Variants in SYNPO2 observed in about 807,000 individuals in gnomAD.
SYNPO2 encodes synaptopodin-2.
A neutral mutation model predicts 85.0 loss-of-function variants in SYNPO2; 56 were observed. The observed-to-expected ratio is 0.66, with a 90% CI of 0.53 to 0.82. SYNPO2 has a LOEUF of 0.82. Ranked by LOEUF, SYNPO2 falls within the 40% of genes least tolerant of loss-of-function variation. The pLI, the probability that SYNPO2 is intolerant of heterozygous loss-of-function variation, is 0.00. For missense variants in SYNPO2, 1,575 were observed against 1,534.2 expected, an observed-to-expected ratio of 1.03 and a Z score of -0.44; for synonymous variants, 602 against 591.1, an observed-to-expected ratio of 1.02 and a Z score of -0.27.
At chr4:118,850,752 GATCTGA>G (rs1297509542) in exon 1 of SYNPO2, 7 of 398,538 alleles carry the variant, frequency 1.8e-5, no homozygotes, top group African/African-American at 1.4e-4. Context: ...GTGAAGTAAA[GATCTGA>G]ATTCGGCAAC....
At position 119,031,743 on chromosome 4, in the gene SYNPO2, C is replaced by G. The variant is rs139801110; in HGVS notation, c.2968C>G (p.Gln990Glu). The change falls in exon 4 of 5, where the codon CAG becomes GAG. Residue 990 changes from glutamine to glutamate, a missense_variant. By Grantham distance (29) the Gln-to-Glu change is conservative. Coordinates refer to ENST00000307142, the MANE Select transcript of SYNPO2 (RefSeq NM_133477.3). ...TCCAGATGCAAAGGATGGCCTCCCC[C>G]AGAAGTCATCAGTCAAGGTCAATTC... ...QPPDAKDGLP[Q>E]KSSVKVNSAL... 1.2e-6 allele frequency: 2 copies of G among 1,614,228 alleles called. No individual in the cohort carries two copies. The highest frequency in any genetic ancestry group is 2.2e-5 in the East Asian group (1 of 44,882).
chr4:119,057,789 G>A lies in SYNPO2; in HGVS notation c.3641G>A (p.Gly1214Asp). ...NNNMSTTSQYGSQLPYAYYRQ... is the reference protein window; with the variant it reads ...NNNMSTTSQYDSQLPYAYYRQ... ...AATATGTCCACCACCTCCCAATATG[G>A]TTCACAGTTGCCATATGCATATTAT... The change falls in exon 5 of 5, where the codon GGT becomes GAT. Residue 1214 changes from glycine to aspartate, a missense_variant. By Grantham distance (94) the Gly-to-Asp change is moderately conservative. Transcript: ENST00000307142. 1 of 1,614,042 alleles carries A rather than the reference G, an allele frequency of 6.2e-7. No homozygotes were observed. Among genetic ancestry groups the A allele is most frequent in the Non-Finnish European group, 8.5e-7 (1 of 1,180,008 alleles).
chr4:118,985,780 G>C (rs968776812), intron 1 of SYNPO2, among the ~76,000 whole-genome samples: 3 of 152,174 alleles, frequency 2.0e-5, no homozygotes, highest in African/African-American at 7.2e-5. Context: ...CCTGATCGAG[G>C]ATCTAATTCT....
At chr4:118,954,555 C>T (rs751961921) in intron 1 of SYNPO2, among the ~76,000 whole-genome samples, 2 of 152,130 alleles carry the variant, frequency 1.3e-5, no homozygotes, top group Non-Finnish European at 2.9e-5. Context: ...TGAAGCCACA[C>T]TAGGCATAAT....
intron 1 of SYNPO2, among the ~76,000 whole-genome samples, chr4:118,974,265 C>G (rs2149158215): frequency 6.6e-6 from 1 of 152,340 alleles, no homozygotes; most frequent in Non-Finnish European, 1.5e-5. Flanking sequence ...TATTGTATCT[C>G]AGGCCTTAGA....
intron 1 of SYNPO2, among the ~76,000 whole-genome samples, chr4:118,922,013 C>T (rs1284297101): frequency 1.3e-5 from 2 of 152,098 alleles, no homozygotes; most frequent in Non-Finnish European, 2.9e-5. Flanking sequence ...GGACTGTTTT[C>T]CTCATTACTG....
At chr4:119,005,132 T>C (rs530015804) in intron 1 of SYNPO2, among the ~76,000 whole-genome samples, 229 of 152,326 alleles carry the variant, frequency 1.5e-3, no homozygotes, top group African/African-American at 5.4e-3. Context: ...TATTAGCCCT[T>C]TGTCAGATGA....
chr4:118,947,082 G>A (rs538412744), intron 1 of SYNPO2, among the ~76,000 whole-genome samples: 1 of 152,270 alleles, frequency 6.6e-6, no homozygotes, highest in South Asian at 2.1e-4. Flanking sequence ...TTTCATTGGT[G>A]TTTTATGTTT....
At chr4:118,999,639 G>A (rs1383273401) in intron 1 of SYNPO2, among the ~76,000 whole-genome samples, 2 of 152,074 alleles carry the variant, frequency 1.3e-5, no homozygotes, top group Non-Finnish European at 2.9e-5. Flanking sequence ...TTGCTATGTT[G>A]CCAAGGCTGC....
upstream of SYNPO2, among the ~76,000 whole-genome samples, chr4:118,886,975 T>G (rs1245140442): frequency 6.6e-6 from 1 of 152,228 alleles, no homozygotes; most frequent in Non-Finnish European, 1.5e-5. Flanking sequence ...TGCCATTTTA[T>G]TCAACATTGT....
At chr4:118,992,843 G>A (rs17262785) in intron 1 of SYNPO2, among the ~76,000 whole-genome samples, 36,344 of 151,996 alleles carry the variant, frequency 0.24, 4,464 homozygotes, top group South Asian at 0.33. Flanking sequence ...TTTCATAAGC[G>A]CCCACCAATT....
intron 1 of SYNPO2, among the ~76,000 whole-genome samples, chr4:118,880,018 C>T (rs898147200): frequency 3.3e-5 from 5 of 152,276 alleles, no homozygotes; most frequent in East Asian, 1.9e-4. Context: ...CCCTTTCTTT[C>T]CTCTCCCTCT....
chr4:118,940,216 C>T (rs1560889288), intron 1 of SYNPO2, among the ~76,000 whole-genome samples: 1 of 151,870 alleles, frequency 6.6e-6, no homozygotes, highest in Non-Finnish European at 1.5e-5. Flanking sequence ...GATCTCTCGA[C>T]CTCATGATCC....
chr4:119,020,736 AT>A (rs967235547), intron 1 of SYNPO2, among the ~76,000 whole-genome samples: 1 of 152,052 alleles, frequency 6.6e-6, no homozygotes, highest in South Asian at 2.1e-4. Context: ...TACCTACCTA[AT>A]TTTTTTTATA....
intron 1 of SYNPO2, among the ~76,000 whole-genome samples, chr4:118,900,663 TTCTC>T (rs376467151): frequency 1.4e-3 from 108 of 77,528 alleles, no homozygotes; most frequent in African/African-American, 3.2e-3. Flanking sequence ...TAGAATCTCT[TTCTC>T]TCTCTCTCTC....
At chr4:119,036,509 T>C in intron 4 of SYNPO2, 8 of 985,400 alleles carry the variant, frequency 8.1e-6, no homozygotes, top group Non-Finnish European at 7.2e-6. Context: ...CCTACCAGGG[T>C]TGGCCAAGGG....
rs190163584 is a variant in SYNPO2, at chr4:118,927,726, A to G, written c.105+38585A>G. Among the ~76,000 whole-genome samples, 976 of 151,334 alleles carry G rather than the reference A, an allele frequency of 6.4e-3. 9 individuals are homozygous for G. Among genetic ancestry groups the G allele is most frequent in the Non-Finnish European group, 9.0e-3 (611 of 67,854 alleles). On this transcript the variant is annotated intron_variant, in intron 1 of 4. Coordinates refer to ENST00000307142, the MANE Select transcript of SYNPO2 (RefSeq NM_133477.3). Reference sequence around the variant, plus strand: ...TAGATAGATAGATAGATAGATAGATAGATAGATAGATAGATAGATAGATGA... The same window carrying G: ...TAGATAGATAGATAGATAGATAGATGGATAGATAGATAGATAGATAGATGA...
At chr4:119,041,068 C>G (rs1229658761) in intron 4 of SYNPO2, among the ~76,000 whole-genome samples, 2 of 152,182 alleles carry the variant, frequency 1.3e-5, no homozygotes, top group African/African-American at 4.8e-5. Context: ...TTCCAGCTGC[C>G]TTTCAAACCC....
chr4:118,877,449 G>T (rs1731946832), intron 1 of SYNPO2, among the ~76,000 whole-genome samples: 1 of 152,128 alleles, frequency 6.6e-6, no homozygotes, highest in Non-Finnish European at 1.5e-5. Flanking sequence ...GAAAATATTT[G>T]CAAACTATGC....
Sources: gnomAD v4.1 joint callset for allele counts (sites outside exome capture counted in the v4.1 genomes callset) on GRCh38, gnomAD v4.1.1 for gene constraint, MANE v1.5 for transcripts, NCBI Gene and HGNC (gene_info 2026-07-23, HGNC 2026-07-21) for gene names.